The following SERINC5 variants were observed in gnomAD, a reference collection of about 807,000 sequenced individuals.
SERINC5 encodes the protein serine incorporator 5.
Under a neutral mutation model 63.1 loss-of-function variants are expected in SERINC5, and 41 were observed. The observed-to-expected ratio is 0.65, with a 90% CI of 0.51 to 0.84. SERINC5 has a LOEUF of 0.84. Ranked by LOEUF, SERINC5 falls within the 40% of genes least tolerant of loss-of-function variation. The pLI is 0.00. For missense variants in SERINC5, 523 were observed against 573.0 expected, an observed-to-expected ratio of 0.91 and a Z score of 0.89; for synonymous variants, 222 against 215.2, an observed-to-expected ratio of 1.03 and a Z score of -0.28.
intron 2 of SERINC5, among the ~76,000 whole-genome samples, chr5:80,187,484 C>T (rs1347157704): frequency 6.6e-6 from 1 of 151,884 alleles, no homozygotes; most frequent in Non-Finnish European, 1.5e-5. Flanking sequence ...TGTTATTGGT[C>T]AGTGGACAAC....
At chr5:80,187,370 G>T (rs1369046129) in intron 2 of SERINC5, among the ~76,000 whole-genome samples, 1 of 152,132 alleles carries the variant, frequency 6.6e-6, no homozygotes. Flanking sequence ...ATGTCTCCCA[G>T]TCTGCCTTTC....
chr5:80,189,129 C>A (rs1009822502), intron 2 of SERINC5, among the ~76,000 whole-genome samples: 7 of 152,072 alleles, frequency 4.6e-5, no homozygotes, highest in Admixed American at 4.6e-4. Flanking sequence ...AGCTTTATGA[C>A]AGAAGTCATA....
At chr5:80,153,479 T>C (rs1173175163) in intron 8 of SERINC5, among the ~76,000 whole-genome samples, 2 of 152,180 alleles carry the variant, frequency 1.3e-5, no homozygotes, top group Non-Finnish European at 2.9e-5. Flanking sequence ...AAAAGGTTTT[T>C]TTTTTATAAG....
At chr5:80,149,326 A>G (rs1382734013) in intron 9 of SERINC5, among the ~76,000 whole-genome samples, 1 of 152,186 alleles carries the variant, frequency 6.6e-6, no homozygotes, top group Non-Finnish European at 1.5e-5. Context: ...GCAGTAACCT[A>G]TTCAAACTCA....
chr5:80,157,882 T>C (rs1746639979), intron 8 of SERINC5: 1 of 152,148 alleles, frequency 6.6e-6, no homozygotes, highest in Non-Finnish European at 1.5e-5. Context: ...CTCTAAAAGG[T>C]CTGTGTCCCC....
intron 2 of SERINC5, among the ~76,000 whole-genome samples, chr5:80,197,124 A>G (rs4704631): frequency 0.29 from 44,552 of 151,860 alleles, 7,051 homozygotes; most frequent in East Asian, 0.66. Context: ...CTAGGCAGGC[A>G]AATCACCTGA....
intron 2 of SERINC5, among the ~76,000 whole-genome samples, chr5:80,185,922 C>T (rs546311239): frequency 1.5e-4 from 23 of 151,954 alleles, no homozygotes; most frequent in African/African-American, 4.6e-4. Flanking sequence ...ACAGGGGATG[C>T]GATAGCTTGG....
downstream of SERINC5, among the ~76,000 whole-genome samples, chr5:80,134,317 C>A (rs558131102): frequency 6.6e-6 from 1 of 152,172 alleles, no homozygotes; most frequent in Admixed American, 6.5e-5. Context: ...GAAACCCTGT[C>A]TCTACTAAAA....
chr5:80,220,663 TTGA>T (rs1193691497), intron 1 of SERINC5, among the ~76,000 whole-genome samples: 5 of 152,020 alleles, frequency 3.3e-5, no homozygotes, highest in African/African-American at 1.2e-4. Context: ...ACACACCTGA[TTGA>T]TGCCGCCTCT....
intron 1 of SERINC5, among the ~76,000 whole-genome samples, chr5:80,218,358 T>C (rs990159195): frequency 1.3e-5 from 2 of 152,028 alleles, no homozygotes; most frequent in South Asian, 2.1e-4. Flanking sequence ...CTGACCAATA[T>C]GAAGAAACCC....
intron 11 of SERINC5, among the ~76,000 whole-genome samples, chr5:80,133,646 T>C (rs1423649287): frequency 6.6e-6 from 1 of 152,196 alleles, no homozygotes; most frequent in African/African-American, 2.4e-5. Flanking sequence ...AAAGAACAAA[T>C]CTAAGATGCT....
intron 11 of SERINC5, chr5:80,116,111 T>C (rs757118342): frequency 2.8e-6 from 1 of 359,148 alleles, no homozygotes; most frequent in Non-Finnish European, 5.4e-6. Context: ...AGCCTCCACG[T>C]TGCTGCAGCA....
chr5:80,183,754 T>C (rs1357849540), intron 2 of SERINC5, among the ~76,000 whole-genome samples: 1 of 151,478 alleles, frequency 6.6e-6, no homozygotes, highest in African/African-American at 2.4e-5. Context: ...TTCCATTACC[T>C]TCCTAAATCC....
At chr5:80,168,628 C>T (rs1000041826) in intron 6 of SERINC5, among the ~76,000 whole-genome samples, 2 of 151,920 alleles carry the variant, frequency 1.3e-5, no homozygotes, top group African/African-American at 4.8e-5. Flanking sequence ...CCGACACCCA[C>T]AAAAAAAATC....
At chr5:80,132,607 T>C (rs2112259106) in intron 11 of SERINC5, among the ~76,000 whole-genome samples, 1 of 152,052 alleles carries the variant, frequency 6.6e-6, no homozygotes. Flanking sequence ...TTCTTTTTTT[T>C]TTTATTTCCA....
intron 1 of SERINC5, among the ~76,000 whole-genome samples, chr5:80,255,351 C>T (rs1234503622): frequency 6.6e-6 from 1 of 152,062 alleles, no homozygotes; most frequent in Non-Finnish European, 1.5e-5. Context: ...TTTCCCTTCG[C>T]CCAGACCTGC....
At chr5:80,255,815 C>G in intron 1 of SERINC5, 81 bp downstream of exon 1, 1 of 1,447,794 alleles carries the variant, frequency 6.9e-7, no homozygotes, top group Non-Finnish European at 9.4e-7. Context: ...TGGGAGCGCA[C>G]CCAGGCAGGT....
At chr5:80,211,898 T>C (rs1041088111) in intron 1 of SERINC5, among the ~76,000 whole-genome samples, 2 of 152,228 alleles carry the variant, frequency 1.3e-5, no homozygotes, top group East Asian at 3.8e-4. Context: ...TTAGAACAGT[T>C]CTGTCACAAG....
intron 1 of SERINC5, 98 bp from the exon 2 acceptor site, chr5:80,203,151 C>T: frequency 1.6e-6 from 2 of 1,215,482 alleles, no homozygotes; most frequent in Non-Finnish European, 2.3e-6. Context: ...GTCCCTGCTA[C>T]TCGGGGGGCT....
Sources: allele counts gnomAD v4.1 joint callset (sites outside exome capture counted in the v4.1 genomes callset), GRCh38; gene constraint gnomAD v4.1.1; transcripts MANE v1.5; gene names NCBI Gene and HGNC (gene_info 2026-07-23, HGNC 2026-07-21).